LHFPL3: variants seen among roughly 807,000 people sequenced by gnomAD.
LHFPL3 encodes LHFPL tetraspan subfamily member 3 protein.
A neutral mutation model predicts 19.3 loss-of-function variants in LHFPL3; 5 were observed. The observed-to-expected ratio is 0.26, with a 90% CI of 0.14 to 0.54. LHFPL3 has a LOEUF of 0.54. Ranked by LOEUF, LHFPL3 falls within the 20% of genes least tolerant of loss-of-function variation. The pLI, the probability that LHFPL3 is intolerant of heterozygous loss-of-function variation, is 0.94. For missense variants in LHFPL3, 249 were observed against 307.4 expected (o/e 0.81, Z 1.42); for synonymous variants, 133 against 126.2 (o/e 1.05, Z -0.36).
intron 2 of LHFPL3, among the ~76,000 whole-genome samples, chr7:104,859,761 T>C (rs1012642882): frequency 8.5e-5 from 13 of 152,174 alleles, no homozygotes; most frequent in African/African-American, 2.9e-4. Flanking sequence ...GATACTATAA[T>C]AGTGGATACA....
intron 2 of LHFPL3, among the ~76,000 whole-genome samples, chr7:104,881,224 T>C (rs1282120540): frequency 1.3e-5 from 2 of 150,842 alleles, no homozygotes; most frequent in Non-Finnish European, 3.0e-5. Context: ...CTGCCATAGA[T>C]AGTGTTTCCC....
chr7:104,888,293 G>A (rs1307269294), intron 2 of LHFPL3, among the ~76,000 whole-genome samples: 1 of 152,174 alleles, frequency 6.6e-6, no homozygotes, highest in East Asian at 1.9e-4. Context: ...GCTTTGGGAG[G>A]CTGAGGCAGG....
intron 1 of LHFPL3, among the ~76,000 whole-genome samples, chr7:104,349,999 C>G (rs1307107636): frequency 6.6e-6 from 1 of 152,032 alleles, no homozygotes; most frequent in African/African-American, 2.4e-5. Context: ...TTCTGGTGCT[C>G]TATGTATTAT....
chr7:104,490,522 CT>C (rs1793322359), intron 1 of LHFPL3, among the ~76,000 whole-genome samples: 1 of 152,062 alleles, frequency 6.6e-6, no homozygotes, highest in African/African-American at 2.4e-5. Context: ...AAATCAACCC[CT>C]GAGTACCCAG....
At chr7:104,852,935 C>T (rs1195466158) in intron 2 of LHFPL3, among the ~76,000 whole-genome samples, 1 of 152,198 alleles carries the variant, frequency 6.6e-6, no homozygotes, top group Non-Finnish European at 1.5e-5. Context: ...TGAGCCCTGA[C>T]CAGCCTGCTT....
At chr7:104,498,771 C>T (rs1039135046) in intron 1 of LHFPL3, among the ~76,000 whole-genome samples, 1 of 152,148 alleles carries the variant, frequency 6.6e-6, no homozygotes, top group South Asian at 2.1e-4. Context: ...AGCCACAGCG[C>T]CTAGCCAGAA....
chr7:104,375,443 CA>C lies in LHFPL3; in HGVS notation c.445+46220del, dbSNP rs1158723931. On this transcript the variant is annotated intron_variant, in intron 1 of 2. Coordinates refer to ENST00000424859, the MANE Select transcript of LHFPL3 (RefSeq NM_199000.3). ...GGTGTGTTTGGCAAACTAGTTGTAA[CA>C]TAAAATCTGTTTGGCAAAATTGAAA... 3.3e-5 allele frequency among the ~76,000 whole-genome samples: 5 copies of C among 152,174 alleles called. No individual in the cohort carries two copies. The East Asian group carries it at 9.6e-4, about 29-fold the overall frequency.
intron 2 of LHFPL3, among the ~76,000 whole-genome samples, chr7:104,861,848 GCAGAGACATC>G (rs956658607): frequency 3.9e-5 from 6 of 152,100 alleles, no homozygotes; most frequent in African/African-American, 1.4e-4. Context: ...CTTTGGATTG[GCAGAGACATC>G]CAGAGGTTAT....
intron 1 of LHFPL3, among the ~76,000 whole-genome samples, chr7:104,397,898 T>C (rs1481533854): frequency 6.6e-6 from 1 of 152,198 alleles, no homozygotes; most frequent in African/African-American, 2.4e-5. Flanking sequence ...TATGGACACA[T>C]AGTTTACCTT....
chr7:104,763,546 T>C (rs971260653), intron 2 of LHFPL3, among the ~76,000 whole-genome samples: 13 of 152,216 alleles, frequency 8.5e-5, no homozygotes, highest in Admixed American at 8.5e-4. Context: ...GCACACCACT[T>C]AGCCTCCACA....
intron 1 of LHFPL3, among the ~76,000 whole-genome samples, chr7:104,705,519 CT>C (rs1388464188): frequency 2.6e-5 from 4 of 151,738 alleles, no homozygotes; most frequent in African/African-American, 9.7e-5. Context: ...TCTCCCCCTT[CT>C]TTTTTCAGTT....
chr7:104,506,511 A>G (rs1793702116), intron 1 of LHFPL3, among the ~76,000 whole-genome samples: 1 of 152,176 alleles, frequency 6.6e-6, no homozygotes, highest in African/African-American at 2.4e-5. Context: ...AGGCTGTGTT[A>G]TACTCTCACC....
At chr7:104,748,944 T>A (rs1395666469) in intron 2 of LHFPL3, among the ~76,000 whole-genome samples, 2 of 151,678 alleles carry the variant, frequency 1.3e-5, no homozygotes, top group Admixed American at 6.6e-5. Flanking sequence ...GCTGACTGAA[T>A]TTTTTCTTCC....
At chr7:104,530,899 G>T (rs144601506) in intron 1 of LHFPL3, among the ~76,000 whole-genome samples, 4 of 152,268 alleles carry the variant, frequency 2.6e-5, no homozygotes, top group South Asian at 2.1e-4. Flanking sequence ...TTATGTACAC[G>T]ATATCGATTT....
At chr7:104,808,270 T>C (rs1790403896) in intron 2 of LHFPL3, among the ~76,000 whole-genome samples, 1 of 152,226 alleles carries the variant, frequency 6.6e-6, no homozygotes, top group Non-Finnish European at 1.5e-5. Context: ...ACTCTTACTT[T>C]GTATTCATTT....
chr7:104,505,577 G>A (rs1014656550), intron 1 of LHFPL3, among the ~76,000 whole-genome samples: 5 of 151,798 alleles, frequency 3.3e-5, no homozygotes, highest in Non-Finnish European at 5.9e-5. Flanking sequence ...GAGTTGTTTT[G>A]TTTGATAGGA....
intron 2 of LHFPL3, among the ~76,000 whole-genome samples, chr7:104,795,235 A>G (rs117830183): frequency 0.018 from 2,724 of 152,278 alleles, 32 homozygotes; most frequent in Middle Eastern, 0.037. Context: ...GCAAACATGA[A>G]GAGAAACAAT....
chr7:104,681,548 G>A (rs1185966368), intron 1 of LHFPL3, among the ~76,000 whole-genome samples: 1 of 151,978 alleles, frequency 6.6e-6, no homozygotes, highest in African/African-American at 2.4e-5. Flanking sequence ...CTTGAACCTG[G>A]GAGGCAGAGG....
intron 1 of LHFPL3, among the ~76,000 whole-genome samples, chr7:104,522,394 G>A (rs1426564488): frequency 5.2e-5 from 4 of 77,422 alleles, no homozygotes; most frequent in Non-Finnish European, 1.1e-4. Flanking sequence ...TTGTGGGGTG[G>A]GGGGAGGGGG....
Sources: allele counts gnomAD v4.1 joint callset (sites outside exome capture counted in the v4.1 genomes callset), GRCh38; gene constraint gnomAD v4.1.1; transcripts MANE v1.5; gene names NCBI Gene and HGNC (gene_info 2026-07-23, HGNC 2026-07-21).